The following CDKL5 variants were observed in gnomAD, a reference collection of about 807,000 sequenced individuals.
CDKL5 encodes cyclin-dependent kinase-like 5.
A neutral mutation model predicts 61.7 loss-of-function variants in CDKL5; 8 were observed. The ratio of observed to expected loss-of-function variants is 0.13; its 90% CI spans 0.08 to 0.23. The LOEUF (loss-of-function observed/expected upper bound fraction) is 0.23, where lower values mean the gene tolerates loss of function less well. Ranked by LOEUF, CDKL5 falls within the 10% of genes least tolerant of loss-of-function variation. CDKL5 has a pLI of 1.00. For missense variants in CDKL5, 440 were observed against 734.5 expected (o/e 0.60, Z 4.63); for synonymous variants, 275 against 272.3 (o/e 1.01, Z -0.10).
chrX:18,469,902 C>G (rs906935472), intron 1 of CDKL5, among the ~76,000 whole-genome samples: 12 of 111,879 alleles, frequency 1.1e-4, no homozygotes, highest in African/African-American at 3.9e-4. Context: ...ATTAAAAGAA[C>G]ACTTAGAATA....
intron 1 of CDKL5, among the ~76,000 whole-genome samples, chrX:18,439,296 G>C (rs1295092550): frequency 9.1e-6 from 1 of 109,552 alleles, no homozygotes; most frequent in Non-Finnish European, 1.9e-5. Context: ...CAGATGAAGG[G>C]GAAGCCAAAG....
chrX:18,518,410 T>A (rs903508027), intron 3 of CDKL5, among the ~76,000 whole-genome samples: 1 of 69,519 alleles, frequency 1.4e-5, no homozygotes, highest in East Asian at 4.6e-4. Context: ...TTTTTTTTTT[T>A]TTTTTTTTTT....
chrX:18,469,091 C>A (rs1354207855), intron 1 of CDKL5, among the ~76,000 whole-genome samples: 1 of 110,397 alleles, frequency 9.1e-6, no homozygotes, highest in African/African-American at 3.3e-5. Context: ...ATAATTGCAG[C>A]ACTTTGGGAG....
chrX:18,509,243 A>ACACACCCACC (rs1922733807), intron 2 of CDKL5, among the ~76,000 whole-genome samples: 1 of 97,925 alleles, frequency 1.0e-5, no homozygotes, highest in African/African-American at 3.6e-5. Flanking sequence ...ACACACACAC[A>ACACACCCACC]CACCCCTGTC....
At chrX:18,553,521 A>ACT (rs1482661313) in intron 3 of CDKL5, among the ~76,000 whole-genome samples, 4 of 101,846 alleles carry the variant, frequency 3.9e-5, no homozygotes. Context: ...ACAGAGTCTC[A>ACT]CTCTGTCTGC....
intron 5 of CDKL5, among the ~76,000 whole-genome samples, chrX:18,575,819 G>T (rs895221094): frequency 8.9e-6 from 1 of 111,920 alleles, no homozygotes; most frequent in Non-Finnish European, 1.9e-5. Context: ...AACTGACAGT[G>T]ATGGTACAGG....
chrX:18,458,328 A>T (rs923455523), intron 1 of CDKL5, among the ~76,000 whole-genome samples: 1 of 111,915 alleles, frequency 8.9e-6, no homozygotes, highest in Non-Finnish European at 1.9e-5. Flanking sequence ...TGTATACTAT[A>T]GTTGAACTAT....
intron 4 of CDKL5, among the ~76,000 whole-genome samples, chrX:18,565,036 A>C (rs1300854161): frequency 8.9e-6 from 1 of 111,965 alleles, no homozygotes; most frequent in Admixed American, 9.5e-5. Context: ...AAGCTTTTTA[A>C]GAAGAAATAC....
chrX:18,480,756 A>G (rs1921513407), intron 1 of CDKL5, among the ~76,000 whole-genome samples: 1 of 110,418 alleles, frequency 9.1e-6, no homozygotes, highest in Non-Finnish European at 1.9e-5. Context: ...TGCTTTGGCT[A>G]CTGGGGGCCC....
chrX:18,430,949 C>T (rs1439150308), intron 1 of CDKL5, among the ~76,000 whole-genome samples: 1 of 109,050 alleles, frequency 9.2e-6, no homozygotes, highest in Non-Finnish European at 1.9e-5. Context: ...GCAACCTCCG[C>T]CCCCCAGGTT....
chrX:18,648,441 C>T (rs1486283938), intron 20 of CDKL5, among the ~76,000 whole-genome samples: 1 of 109,964 alleles, frequency 9.1e-6, no homozygotes, highest in East Asian at 2.9e-4. Flanking sequence ...AGGATTTTGC[C>T]ATGTTCCCCA....
Position 18,628,820 on chromosome X carries a change from G to T in CDKL5, c.*63G>T. 1 of 733,331 alleles carries T rather than the reference G, an allele frequency of 1.4e-6. No homozygotes were observed. The highest frequency in any genetic ancestry group is 7.1e-5 in the East Asian group (1 of 14,077). The allele number at this position is 733,331 out of a possible 1,213,427, so 60.4% of individuals were successfully genotyped here. ...AGTGGGGAGGGGTGGGAAAGGGTGG[G>T]CTGGGCTTGGGGCATGGGCCGGGCC... On this transcript the variant is annotated 3_prime_UTR_variant, in exon 18 of 18. Transcript: ENST00000623535.
intron 9 of CDKL5, among the ~76,000 whole-genome samples, chrX:18,592,016 G>A (rs1925848512): frequency 8.9e-6 from 1 of 112,290 alleles, no homozygotes; most frequent in Non-Finnish European, 1.9e-5. Flanking sequence ...AGGCTGAATA[G>A]TGTTGAATGA....
chrX:18,629,794 C>T lies in CDKL5; in HGVS notation c.*1037C>T, dbSNP rs1927183194. ...CTTGGCTCCTGTTTGTGTCCAGGGA[C>T]GTTACTTGCACACAGGGGAGAATAG... On this transcript the variant is annotated 3_prime_UTR_variant, in exon 18 of 18. Transcript: ENST00000623535. 9 of 754,166 alleles carry T rather than the reference C, an allele frequency of 1.2e-5. No homozygotes were observed. Among genetic ancestry groups the T allele is most frequent in the South Asian group, 1.3e-4 (2 of 14,845 alleles). The allele number at this position is 754,166 out of a possible 1,213,427, so 62.2% of individuals were successfully genotyped here.
intron 20 of CDKL5, chrX:18,650,104 C>G: frequency 5.6e-6 from 2 of 359,145 alleles, no homozygotes; most frequent in Non-Finnish European, 1.0e-5. Flanking sequence ...TCTGTTTCCC[C>G]TTCACATCTC....
At chrX:18,509,197 GCA>G (rs60516677) in intron 2 of CDKL5, among the ~76,000 whole-genome samples, 6,957 of 64,149 alleles carry the variant, frequency 0.11, 356 homozygotes, top group Middle Eastern at 0.15. Flanking sequence ...CTCAAAACAC[GCA>G]CACACACACA....
chrX:18,483,916 A>T (rs1279070201), intron 1 of CDKL5, among the ~76,000 whole-genome samples: 1 of 112,211 alleles, frequency 8.9e-6, no homozygotes, highest in Non-Finnish European at 1.9e-5. Context: ...TGATTATATA[A>T]ACTAGGAGTT....
At chrX:18,428,686 G>A (rs1931417090) in intron 1 of CDKL5, among the ~76,000 whole-genome samples, 1 of 109,723 alleles carries the variant, frequency 9.1e-6, no homozygotes, top group African/African-American at 3.3e-5. Flanking sequence ...AGTAGAAAAA[G>A]CTATTTACTC....
At chrX:18,446,895 C>A (rs1030309279) in intron 1 of CDKL5, among the ~76,000 whole-genome samples, 1 of 112,142 alleles carries the variant, frequency 8.9e-6, no homozygotes, top group African/African-American at 3.2e-5. Flanking sequence ...CAGAGTTGCC[C>A]TCTCCTCCTG....
Sources: allele counts gnomAD v4.1 joint callset (sites outside exome capture counted in the v4.1 genomes callset), GRCh38; gene constraint gnomAD v4.1.1; transcripts MANE v1.5; gene names NCBI Gene and HGNC (gene_info 2026-07-23, HGNC 2026-07-21).